Variants in GPHN observed in about 807,000 individuals in gnomAD.
The protein encoded by GPHN is gephyrin.
In GPHN, 17 loss-of-function variants were observed where a neutral mutation model predicts 95.5. That is an observed-to-expected ratio of 0.18 (90% CI 0.12 to 0.27). The LOEUF is 0.27. Ranked by LOEUF, GPHN falls within the 10% of genes least tolerant of loss-of-function variation. GPHN has a pLI of 1.00. For synonymous variants in GPHN, 320 were observed against 322.5 expected (o/e 0.99, Z 0.08); for missense variants, 660 against 978.1 (o/e 0.67, Z 4.34).
chr14:67,327,452 G>T, the GPHN span, among the ~76,000 whole-genome samples: 27 of 151,390 alleles, frequency 1.8e-4, no homozygotes, highest in African/African-American at 6.6e-4. Context: ...TTTTTCCGGG[G>T]TGTGGGGGGA....
chr14:66,895,017 C>T (rs890305156), intron 5 of GPHN, among the ~76,000 whole-genome samples: 16 of 152,130 alleles, frequency 1.1e-4, no homozygotes, highest in Non-Finnish European at 1.8e-4. Context: ...GGTATATACC[C>T]AAAGGATTAT....
intron 19 of GPHN, among the ~76,000 whole-genome samples, chr14:67,161,344 G>A (rs1159030821): frequency 2.0e-5 from 3 of 151,078 alleles, no homozygotes; most frequent in Non-Finnish European, 4.4e-5. Flanking sequence ...TTTGTCTTAC[G>A]CAAATATTGT....
At chr14:66,557,072 T>A (rs1256298844) in intron 1 of GPHN, among the ~76,000 whole-genome samples, 1 of 151,960 alleles carries the variant, frequency 6.6e-6, no homozygotes, top group Non-Finnish European at 1.5e-5. Flanking sequence ...CTGGGCGTGG[T>A]GACGTGTGCA....
chr14:67,454,666 A>G, the GPHN span: 1 of 152,244 alleles, frequency 6.6e-6, no homozygotes, highest in South Asian at 2.1e-4. Flanking sequence ...GGAGCTCACG[A>G]ATGGAGAGAT....
chr14:67,725,291 T>C, the GPHN span: 1 of 1,609,724 alleles, frequency 6.2e-7, no homozygotes, highest in East Asian at 2.2e-5. Flanking sequence ...AGCAGGAAAT[T>C]GGGTATGGGA....
chr14:67,619,525 C>G, the GPHN span, among the ~76,000 whole-genome samples: 10 of 152,376 alleles, frequency 6.6e-5, no homozygotes, highest in African/African-American at 2.4e-4. Flanking sequence ...AGACCAGGCC[C>G]GACCCAGCCA....
chr14:67,150,349 G>A (rs1489815746), intron 18 of GPHN, among the ~76,000 whole-genome samples: 2 of 147,128 alleles, frequency 1.4e-5, no homozygotes, highest in African/African-American at 5.0e-5. Flanking sequence ...GCTGAGGCAG[G>A]AGAATGGCGT....
chr14:66,575,298 A>G (rs2140405854), intron 1 of GPHN, among the ~76,000 whole-genome samples: 1 of 152,204 alleles, frequency 6.6e-6, no homozygotes, highest in Admixed American at 6.5e-5. Context: ...TGAGAAATCC[A>G]CTGATCATCT....
the GPHN span, chr14:67,279,329 T>C: frequency 6.2e-7 from 1 of 1,613,108 alleles, no homozygotes; most frequent in African/African-American, 1.3e-5. Context: ...TACGTCGAAG[T>C]GCACAGTTGG....
intron 1 of GPHN, among the ~76,000 whole-genome samples, chr14:66,560,152 A>G (rs2060174179): frequency 6.6e-6 from 1 of 152,036 alleles, no homozygotes. Flanking sequence ...GCCTTGTAGT[A>G]TAGTTTGAAG....
intron 1 of GPHN, among the ~76,000 whole-genome samples, chr14:66,585,032 T>C (rs1357784580): frequency 6.6e-6 from 1 of 152,168 alleles, no homozygotes; most frequent in Non-Finnish European, 1.5e-5. Context: ...CTTTTTTTGG[T>C]TGGTAAGCTA....
Position 67,159,474 on chromosome 14 carries a change from T to G in GPHN, c.1896T>G (p.Val632=), listed in dbSNP as rs2081834037. 1 of 1,601,804 alleles carries G rather than the reference T, an allele frequency of 6.2e-7. No homozygotes were observed. The highest frequency in any genetic ancestry group is 1.3e-5 in the African/African-American group (1 of 74,824). The change falls in exon 19 of 23, where the codon GTT becomes GTG. Residue 632 remains valine, a synonymous_variant. Transcript: ENST00000478722. ...DLHAQIHFGR[V]FMKPGLPTTF... ...ATGCTCAGATCCATTTTGGCAGGGT[T>G]TTTATGAAACCAGGGTATGAAAATC... is the stretch of plus-strand genomic sequence containing the variant.
intron 9 of GPHN, among the ~76,000 whole-genome samples, chr14:66,994,101 C>T (rs1292090772): frequency 6.6e-6 from 1 of 152,122 alleles, no homozygotes; most frequent in Non-Finnish European, 1.5e-5. Flanking sequence ...CGCAGTGGCT[C>T]ACGCCTGTAA....
chr14:67,348,317 A>G, the GPHN span, among the ~76,000 whole-genome samples: 1 of 152,000 alleles, frequency 6.6e-6, no homozygotes, highest in Middle Eastern at 3.4e-3. Context: ...CGATCCGCCC[A>G]CCTTGGCTTC....
At chr14:67,314,705 A>G in the GPHN span, among the ~76,000 whole-genome samples, 23,565 of 152,228 alleles carry the variant, frequency 0.15, 3,446 homozygotes, top group East Asian at 0.42. Context: ...ATAGATTCCA[A>G]TGATGACATT....
the GPHN span, among the ~76,000 whole-genome samples, chr14:67,636,692 T>C: frequency 6.6e-6 from 1 of 152,218 alleles, no homozygotes. Context: ...AAAGGTAACA[T>C]CTGGGCCTGA....
intron 1 of GPHN, among the ~76,000 whole-genome samples, chr14:66,560,836 G>C (rs1272065655): frequency 2.0e-5 from 3 of 152,164 alleles, no homozygotes; most frequent in Admixed American, 1.3e-4. Flanking sequence ...CAAAGGGAAT[G>C]CTTCCAGTTT....
the GPHN span, chr14:67,647,971 C>T: frequency 5.0e-6 from 7 of 1,401,260 alleles, no homozygotes; most frequent in South Asian, 9.1e-5. Flanking sequence ...GGAGTTGCAA[C>T]CATAAGAAGG....
intron 1 of GPHN, among the ~76,000 whole-genome samples, chr14:66,650,782 G>T (rs6573693): frequency 0.33 from 49,734 of 152,044 alleles, 11,978 homozygotes; most frequent in African/African-American, 0.65. Flanking sequence ...TCAGGAAAAC[G>T]AAACTGGTCA....
Sources: gnomAD v4.1 joint callset for allele counts (sites outside exome capture counted in the v4.1 genomes callset) on GRCh38, gnomAD v4.1.1 for gene constraint, MANE v1.5 for transcripts, NCBI Gene and HGNC (gene_info 2026-07-23, HGNC 2026-07-21) for gene names.